The following PEAK1 variants were observed in gnomAD, a reference collection of about 807,000 sequenced individuals.
The protein encoded by PEAK1 is inactive tyrosine-protein kinase PEAK1.
Under a neutral mutation model 124.7 loss-of-function variants are expected in PEAK1, and 54 were observed. That is an observed-to-expected ratio of 0.43 (90% CI 0.35 to 0.54). The LOEUF (loss-of-function observed/expected upper bound fraction) is 0.54. Among genes scored for constraint, PEAK1 ranks in the 20% least tolerant of loss-of-function variants. The pLI is 0.01. For missense variants in PEAK1, 2,046 were observed against 2,134.5 expected (o/e 0.96, Z 0.82); for synonymous variants, 719 against 760.0 (o/e 0.95, Z 0.89).
In PEAK1 at chr15:77,419,520, G is replaced by C. The variant is rs933395503; in HGVS notation, c.-666+486C>G. The C allele has an allele frequency of 5.1e-6, 5 of 985,166 alleles. No homozygotes were observed. In the African/African-American group the frequency reaches 8.7e-5, roughly 17 times the overall value. 61.0% of individuals were successfully genotyped at this position (985,166 alleles called of 1,614,324 possible). On this transcript the variant is annotated intron_variant, in intron 1 of 9. Transcript: ENST00000682557. ...AGCCACCCGGCTCCGTCCCGACGCTGCCGGCGAGGCTGCGCCGATGCTCCC... is the reference window on the plus strand; with the variant it reads ...AGCCACCCGGCTCCGTCCCGACGCTCCCGGCGAGGCTGCGCCGATGCTCCC...
intron 5 of PEAK1, among the ~76,000 whole-genome samples, chr15:77,274,095 C>T (rs1178873502): frequency 6.6e-6 from 1 of 152,148 alleles, no homozygotes; most frequent in Non-Finnish European, 1.5e-5. Flanking sequence ...GAAACTGGAT[C>T]CTCATCTCTC....
rs866746483 is a variant in PEAK1, at chr15:77,161,747, C to T, written c.3138-3051G>A. ...CAGCACTTTGGGAGGCCAAGTGGAT[C>T]ACAAGGTCAGGAGTTCAACACCAGC... is the stretch of plus-strand genomic sequence containing the variant. On this transcript the variant is annotated intron_variant, in intron 7 of 9. Coordinates refer to ENST00000682557, the MANE Select transcript of PEAK1 (RefSeq NM_001385026.1). Among the ~76,000 whole-genome samples, 33 of 151,936 alleles carry T rather than the reference C, an allele frequency of 2.2e-4. 1 individual carries two copies. In the Middle Eastern group the frequency reaches 0.02, roughly 94 times the overall value.
At chr15:77,360,463 A>T (rs1261488990) in intron 2 of PEAK1, among the ~76,000 whole-genome samples, 1 of 152,218 alleles carries the variant, frequency 6.6e-6, no homozygotes, top group Non-Finnish European at 1.5e-5. Flanking sequence ...ATCATTTCTC[A>T]TAAGAGATTT....
rs547286390 is a variant in PEAK1, at chr15:77,210,869, G to A, written c.-114-28829C>T. ...CATTCTGGCCTTGTGTGCTCAGGGCGACAGAGCAAGTCTCTGTCTCAAAAA... is the reference window on the plus strand; with the variant it reads ...CATTCTGGCCTTGTGTGCTCAGGGCAACAGAGCAAGTCTCTGTCTCAAAAA... On this transcript the variant is annotated intron_variant, in intron 6 of 9. Coordinates refer to ENST00000682557, the MANE Select transcript of PEAK1 (RefSeq NM_001385026.1). Among the ~76,000 whole-genome samples, 16 of 152,302 alleles carry A rather than the reference G, an allele frequency of 1.1e-4. No homozygotes were observed. The South Asian group carries it at 2.7e-3, about 26-fold the overall frequency.
chr15:77,293,186 C>T (rs190211730), intron 2 of PEAK1, among the ~76,000 whole-genome samples: 53 of 152,300 alleles, frequency 3.5e-4, no homozygotes, highest in Middle Eastern at 6.8e-3. Flanking sequence ...TCACCAAATG[C>T]CTTTCTAATT....
chr15:77,413,942 GCCT>G (rs1171877887), intron 1 of PEAK1, among the ~76,000 whole-genome samples: 2 of 152,058 alleles, frequency 1.3e-5, no homozygotes, highest in African/African-American at 4.8e-5. Flanking sequence ...TCTGACCTCA[GCCT>G]CCTAAGTAGC....
chr15:77,152,662 C>T (rs2054754110), intron 8 of PEAK1, among the ~76,000 whole-genome samples: 1 of 152,162 alleles, frequency 6.6e-6, no homozygotes, highest in Admixed American at 6.5e-5. Context: ...AGATTTGTCC[C>T]ATCAATACCT....
At chr15:77,402,978 C>T (rs2071501718) in intron 1 of PEAK1, 3 of 985,358 alleles carry the variant, frequency 3.0e-6, no homozygotes, top group Non-Finnish European at 3.6e-6. Context: ...TCTGGGTAGA[C>T]ATTATTTGCT....
At chr15:77,419,371 C>G (rs1366299018) in intron 1 of PEAK1, 1 of 985,134 alleles carries the variant, frequency 1.0e-6, no homozygotes, top group Non-Finnish European at 1.2e-6. Flanking sequence ...GTTGCAAGAA[C>G]GGATGGGTCA....
intron 5 of PEAK1, among the ~76,000 whole-genome samples, chr15:77,261,522 G>A (rs886554757): frequency 2.6e-5 from 4 of 152,066 alleles, no homozygotes; most frequent in Non-Finnish European, 5.9e-5. Flanking sequence ...AAGGGTATCA[G>A]TGATGGAAGA....
rs568495657 is a variant in PEAK1 at position 77,297,974 on chromosome 15, C to T, written c.-602-11470G>A. ...TCGGGAGGCTGAGGCAGGAGAATGG[C>T]GTGAAGCCGGGAAGCGGAGCTTGCA... On this transcript the variant is annotated intron_variant, in intron 2 of 9. Transcript: ENST00000682557. 4.5e-5 allele frequency among the ~76,000 whole-genome samples: 6 copies of T among 131,910 alleles called. No homozygotes were observed. The South Asian group carries it at 1.0e-3, about 23-fold the overall frequency. The allele number at this position is 131,910 out of a possible 152,430, so 86.5% of individuals were successfully genotyped here. A position where few individuals can be genotyped will look rare whatever the true frequency, so the allele number is the denominator to read the frequency against.
intron 6 of PEAK1, among the ~76,000 whole-genome samples, chr15:77,198,604 T>C (rs891809656): frequency 4.6e-5 from 7 of 152,200 alleles, no homozygotes; most frequent in African/African-American, 1.7e-4. Context: ...ATCTTGCATT[T>C]TTTGAGAAAT....
intron 6 of PEAK1, among the ~76,000 whole-genome samples, chr15:77,226,420 TTTA>T (rs2059680025): frequency 6.6e-6 from 1 of 151,952 alleles, no homozygotes; most frequent in South Asian, 2.1e-4. Flanking sequence ...AACTAGTAAG[TTTA>T]TGTCCCAAGT....
chr15:77,353,343 CT>C (rs2067317174), intron 2 of PEAK1, among the ~76,000 whole-genome samples: 1 of 152,142 alleles, frequency 6.6e-6, no homozygotes, highest in Non-Finnish European at 1.5e-5. Context: ...TTTGGGATGG[CT>C]GCTATACAGC....
chr15:77,318,407 T>C (rs1376415824), intron 2 of PEAK1, among the ~76,000 whole-genome samples: 1 of 152,084 alleles, frequency 6.6e-6, no homozygotes, highest in Non-Finnish European at 1.5e-5. Flanking sequence ...AAAAACCTCA[T>C]AATTAACCCT....
chr15:77,215,372 C>T (rs1351377446), intron 6 of PEAK1, among the ~76,000 whole-genome samples: 7 of 152,176 alleles, frequency 4.6e-5, no homozygotes, highest in Non-Finnish European at 1.5e-5. Context: ...GTTCCCAATT[C>T]TGATAAAGTA....
At chr15:77,351,285 A>G (rs1208056904) in intron 2 of PEAK1, among the ~76,000 whole-genome samples, 1 of 152,234 alleles carries the variant, frequency 6.6e-6, no homozygotes, top group African/African-American at 2.4e-5. Context: ...AGGATGTGAC[A>G]GACCCACAGC....
rs1567365627 is a variant in PEAK1 at position 77,408,187 on chromosome 15, A to ACC, written c.-666+11817_-666+11818dup. Among the ~76,000 whole-genome samples the ACC allele has an allele frequency of 1.4e-4, 20 of 145,774 alleles. No homozygotes were observed. In the South Asian group the frequency reaches 4.1e-3, roughly 30 times the overall value. On this transcript the variant is annotated intron_variant, in intron 1 of 9. Transcript: ENST00000682557. ...CACACACACACACACACACACACAC[A>ACC]CCCTGGAATACTACTCAGCCATAAA...
At chr15:77,153,860 T>C (rs1366112230) in intron 8 of PEAK1, among the ~76,000 whole-genome samples, 1 of 152,236 alleles carries the variant, frequency 6.6e-6, no homozygotes, top group Non-Finnish European at 1.5e-5. Context: ...CAGTTTGTTA[T>C]AATTTCTGTT....
Sources: allele counts gnomAD v4.1 joint callset (sites outside exome capture counted in the v4.1 genomes callset), GRCh38; gene constraint gnomAD v4.1.1; transcripts MANE v1.5; gene names NCBI Gene and HGNC (gene_info 2026-07-23, HGNC 2026-07-21).